Variants in MEIOB observed in about 807,000 individuals in gnomAD.
MEIOB encodes the protein meiosis-specific with OB domain-containing protein.
Under a neutral mutation model 53.1 loss-of-function variants are expected in MEIOB, and 50 were observed. That is an observed-to-expected ratio of 0.94 (90% CI 0.75 to 1.19). The LOEUF is 1.19. MEIOB is among the 50% of genes most tolerant of loss of function. The probability of loss-of-function intolerance (pLI) is 0.00; values close to 1 mark genes in which losing one functional copy is unlikely to be tolerated. For synonymous variants in MEIOB, 192 were observed against 182.5 expected, an observed-to-expected ratio of 1.05 and a Z score of -0.42; for missense variants, 551 against 550.8, an observed-to-expected ratio of 1.00 and a Z score of 0.00.
intron 1 of MEIOB, among the ~76,000 whole-genome samples, chr16:1,868,841 C>T (rs1198418048): frequency 6.6e-6 from 1 of 151,566 alleles, no homozygotes; most frequent in Non-Finnish European, 1.5e-5. Flanking sequence ...GATGACAGAG[C>T]GACACTCCAT....
intron 5 of MEIOB, among the ~76,000 whole-genome samples, chr16:1,860,142 T>A (rs550568831): frequency 3.9e-5 from 6 of 152,342 alleles, no homozygotes; most frequent in African/African-American, 1.4e-4. Context: ...TTTCTCCTCA[T>A]TCAGTTTTAA....
chr16:1,853,932 T>C (rs1383092845), intron 7 of MEIOB, among the ~76,000 whole-genome samples, 168 bp downstream of exon 7: 2 of 152,222 alleles, frequency 1.3e-5, no homozygotes, highest in Admixed American at 6.5e-5. Context: ...TTTAAGGTGG[T>C]ATCCATAACA....
chr16:1,842,057 T>C (rs1898925885), intron 10 of MEIOB, 84 bp from the exon 11 acceptor site: 2 of 953,890 alleles, frequency 2.1e-6, no homozygotes, highest in Non-Finnish European at 2.9e-6. Flanking sequence ...CTATGACAAA[T>C]GAGAACATGC....
At chr16:1,838,597 A>G (rs575999808) in intron 12 of MEIOB, among the ~76,000 whole-genome samples, 18 of 152,308 alleles carry the variant, frequency 1.2e-4, no homozygotes, top group Middle Eastern at 3.4e-3. Context: ...AAATCTTCCT[A>G]GAAAAACCAC....
intron 2 of MEIOB, among the ~76,000 whole-genome samples, chr16:1,866,623 G>C (rs888043558): frequency 2.6e-5 from 4 of 152,152 alleles, no homozygotes; most frequent in African/African-American, 9.7e-5. Context: ...TCGCGAGGCT[G>C]AGGCAGGAGA....
At position 1,845,053 on chromosome 16, in the gene MEIOB, A is replaced by T. The variant is rs767270989; in HGVS notation, c.779-90T>A. ...ATCCAAAATCATTTTAATAGTAAAAAGTGAAGACATGTAAGAATACAATCA... is the reference window on the plus strand; with the variant it reads ...ATCCAAAATCATTTTAATAGTAAAATGTGAAGACATGTAAGAATACAATCA... On this transcript the variant is annotated intron_variant, in intron 9 of 13. Transcript: ENST00000325962. 133 of 634,346 alleles carry T rather than the reference A, an allele frequency of 2.1e-4. 2 individuals carry two copies. The highest frequency in any genetic ancestry group is 4.2e-4 in the Middle Eastern group (1 of 2,366). The allele number at this position is 634,346 out of a possible 1,614,324, so 39.3% of individuals were successfully genotyped here. A position where few individuals can be genotyped will look rare whatever the true frequency, so the allele number is the denominator to read the frequency against.
At chr16:1,865,436 A>AAAG (rs1899563903) in intron 3 of MEIOB, among the ~76,000 whole-genome samples, 1 of 151,470 alleles carries the variant, frequency 6.6e-6, no homozygotes. Flanking sequence ...CATCTCAAAA[A>AAAG]AAAAAAGAGA....
At chr16:1,859,651 G>C (rs1899393344) in intron 5 of MEIOB, among the ~76,000 whole-genome samples, 1 of 152,184 alleles carries the variant, frequency 6.6e-6, no homozygotes, top group African/African-American at 2.4e-5. Flanking sequence ...AGAGAAATGA[G>C]GCTTGAGAGT....
intron 6 of MEIOB, among the ~76,000 whole-genome samples, chr16:1,855,912 T>C (rs1484101601): frequency 6.9e-6 from 1 of 143,908 alleles, no homozygotes; most frequent in Non-Finnish European, 1.5e-5. Context: ...TGAACTATCA[T>C]AAGCATGTGT....
At position 1,866,744 on chromosome 16, in the gene MEIOB, TAATAAAA is replaced by T. The variant is rs1567282418; in HGVS notation, c.70-916_70-910del. On this transcript the variant is annotated intron_variant, in intron 2 of 13. Coordinates refer to ENST00000325962, the MANE Select transcript of MEIOB (RefSeq NM_001163560.3). Reference sequence around the variant, plus strand: ...GCAAAAAATAAAAATAAAAAAAAAATAATAAAAAATAAAAATGAATACCTTTTCTGAA... The same window carrying T: ...GCAAAAAATAAAAATAAAAAAAAAATAATAAAAATGAATACCTTTTCTGAA... Among the ~76,000 whole-genome samples, 3 of 48,234 alleles carry T rather than the reference TAATAAAA, an allele frequency of 6.2e-5. No individual in the cohort carries two copies. In the East Asian group the frequency reaches 1.8e-3, roughly 30 times the overall value. 31.6% of individuals were successfully genotyped at this position (48,234 alleles called of 152,430 possible).
intron 2 of MEIOB, among the ~76,000 whole-genome samples, chr16:1,866,737 A>T (rs1361899808): frequency 0.052 from 7 of 134 alleles, no homozygotes; most frequent in South Asian, 0.25. Context: ...TAAAAATAAA[A>T]AAAAAATAAT....
At chr16:1,835,417 T>G (rs1898716710) in intron 13 of MEIOB, among the ~76,000 whole-genome samples, 1 of 152,250 alleles carries the variant, frequency 6.6e-6, no homozygotes, top group African/African-American at 2.4e-5. Context: ...ATAGTCTTAT[T>G]TTTTATAATT....
intron 9 of MEIOB, among the ~76,000 whole-genome samples, chr16:1,852,752 C>A (rs1487772939): frequency 2.0e-5 from 3 of 151,994 alleles, no homozygotes; most frequent in Non-Finnish European, 4.4e-5. Flanking sequence ...GACTGGGTTT[C>A]ACCATGTTGG....
chr16:1,855,388 C>T (rs926688441), intron 6 of MEIOB, among the ~76,000 whole-genome samples: 4 of 152,066 alleles, frequency 2.6e-5, no homozygotes, highest in South Asian at 2.1e-4. Flanking sequence ...GCCAAGATCA[C>T]GCCACTGCAC....
At chr16:1,855,676 T>C (rs1326115310) in intron 6 of MEIOB, among the ~76,000 whole-genome samples, 1 of 152,208 alleles carries the variant, frequency 6.6e-6, no homozygotes, top group Non-Finnish European at 1.5e-5. Flanking sequence ...CGCAAACAAT[T>C]GAGCACTCCT....
In MEIOB at chr16:1,844,118, G is replaced by A. The variant is rs116299046; in HGVS notation, c.880+744C>T. 9.2e-3 allele frequency among the ~76,000 whole-genome samples: 1,309 copies of A among 141,614 alleles called. 18 individuals are homozygous for A. Among genetic ancestry groups the A allele is most frequent in the African/African-American group, 0.033 (1,274 of 38,662 alleles). The allele number at this position is 141,614 out of a possible 152,430, so 92.9% of individuals were successfully genotyped here. A position where few individuals can be genotyped will look rare whatever the true frequency, so the allele number is the denominator to read the frequency against. On this transcript the variant is annotated intron_variant, in intron 10 of 13. Coordinates refer to ENST00000325962, the MANE Select transcript of MEIOB (RefSeq NM_001163560.3). ...GGCTCTTTGTTGCATTCTGTATTAT[G>A]TTTCTTTTTTTTTTTTTTTTTTGAG...
rs532707731 is a variant in MEIOB, at chr16:1,836,605, T to C, written c.1305+1179A>G. The stretch of plus-strand genomic sequence containing the variant: ...GCCTCAAGCCGAGGTCCTAGAAATA[T>C]TGCTAAGGCCACTGGAGACTCCATG... On this transcript the variant is annotated intron_variant, in intron 13 of 13. Transcript: ENST00000325962. Among the ~76,000 whole-genome samples, 12 of 150,414 alleles carry C rather than the reference T, an allele frequency of 8.0e-5. No individual in the cohort carries two copies. The East Asian group carries it at 1.5e-3, about 19-fold the overall frequency.
rs1899529527 is a variant in MEIOB at position 1,864,321 on chromosome 16, G to C, written c.127+1457C>G. 2.0e-5 allele frequency among the ~76,000 whole-genome samples: 3 copies of C among 152,124 alleles called. No individual in the cohort carries two copies. The South Asian group carries it at 6.2e-4, about 32-fold the overall frequency. ...GACCTTTGGTACTGCTGGAATTTTT[G>C]ATACAAATATAATGTTATATGTACA... On this transcript the variant is annotated intron_variant, in intron 3 of 13. Transcript: ENST00000325962.
chr16:1,839,642 T>G (rs1168000856), intron 11 of MEIOB: 1 of 497,018 alleles, frequency 2.0e-6, no homozygotes, highest in Non-Finnish European at 3.5e-6. Flanking sequence ...CATCTGAAAC[T>G]GCGTACACCA....
Sources: gnomAD v4.1 joint callset for allele counts (sites outside exome capture counted in the v4.1 genomes callset) on GRCh38, gnomAD v4.1.1 for gene constraint, MANE v1.5 for transcripts, NCBI Gene and HGNC (gene_info 2026-07-23, HGNC 2026-07-21) for gene names.